OTUD4: variants seen among roughly 807,000 people sequenced by gnomAD.
OTUD4 encodes OTU domain-containing protein 4.
Under a neutral mutation model 130.4 loss-of-function variants are expected in OTUD4, and 24 were observed. The ratio of observed to expected loss-of-function variants is 0.18; its 90% CI spans 0.13 to 0.26. The LOEUF (loss-of-function observed/expected upper bound fraction) is 0.26. OTUD4 is among the 10% of genes least tolerant of loss of function. The probability of loss-of-function intolerance (pLI) is 1.00; values close to 1 mark genes in which losing one functional copy is unlikely to be tolerated. For missense variants in OTUD4, 1,031 were observed against 1,329.4 expected, an observed-to-expected ratio of 0.78 and a Z score of 3.49; for synonymous variants, 420 against 472.5, an observed-to-expected ratio of 0.89 and a Z score of 1.44.
At position 145,158,725 on chromosome 4, in the gene OTUD4, A is replaced by G. The variant is rs539243759; in HGVS notation, c.629+778T>C. ...TTGGTTCTTATAAAAGACAGAGTAA[A>G]CATCCTAATATAACTGATAACTAAT... is the stretch of plus-strand genomic sequence containing the variant. On this transcript the variant is annotated intron_variant, in intron 7 of 20. Transcript: ENST00000447906. 4.6e-5 allele frequency among the ~76,000 whole-genome samples: 7 copies of G among 152,326 alleles called. 1 individual carries two copies. The South Asian group carries it at 1.5e-3, about 32-fold the overall frequency.
At chr4:145,156,463 C>T (rs1751296594) in intron 7 of OTUD4, among the ~76,000 whole-genome samples, 1 of 152,168 alleles carries the variant, frequency 6.6e-6, no homozygotes, top group Non-Finnish European at 1.5e-5. Context: ...GCAGGCAGAT[C>T]ACCTGAGTTT....
intron 13 of OTUD4, among the ~76,000 whole-genome samples, chr4:145,147,871 T>C (rs1750896001): frequency 6.6e-6 from 1 of 152,226 alleles, no homozygotes; most frequent in Admixed American, 6.5e-5. Flanking sequence ...ATCAATTAGA[T>C]TGTTAGCTAT....
intron 3 of OTUD4, among the ~76,000 whole-genome samples, chr4:145,166,676 C>T (rs1049408344): frequency 3.9e-5 from 6 of 152,074 alleles, no homozygotes; most frequent in Admixed American, 3.9e-4. Flanking sequence ...CCCATCTCTA[C>T]TAAAAATACA....
intron 10 of OTUD4, among the ~76,000 whole-genome samples, chr4:145,153,917 G>C (rs1464233258): frequency 6.6e-6 from 1 of 152,146 alleles, no homozygotes; most frequent in East Asian, 1.9e-4. Flanking sequence ...AATCACCTTA[G>C]AGTCATCTCA....
intron 17 of OTUD4, 92 bp from the exon 18 acceptor site, chr4:145,142,426 T>C (rs1750609476): frequency 9.2e-7 from 1 of 1,083,356 alleles, no homozygotes; most frequent in Non-Finnish European, 1.4e-6. Context: ...CATATTGAGT[T>C]GCCTGCCTTT....
intron 20 of OTUD4, among the ~76,000 whole-genome samples, chr4:145,139,623 A>G (rs1433129320): frequency 6.6e-6 from 1 of 152,230 alleles, no homozygotes; most frequent in African/African-American, 2.4e-5. Flanking sequence ...AAATTCAGCT[A>G]AAGAGTGATG....
In OTUD4 at chr4:145,142,765, T is replaced by C. The variant is rs1251444874; in HGVS notation, c.1684-431A>G. On this transcript the variant is annotated intron_variant, in intron 17 of 20. Coordinates refer to ENST00000447906, the MANE Select transcript of OTUD4 (RefSeq NM_001366057.1). ...TGAAATCTTGAAATTCATGATTATT[T>C]AGAAAAACTCCTCATGTAACTATAT... Among the ~76,000 whole-genome samples the C allele has an allele frequency of 2.6e-5, 4 of 152,260 alleles. No individual in the cohort carries two copies. In the East Asian group the frequency reaches 7.7e-4, roughly 29 times the overall value.
At chr4:145,177,082 A>C (rs1752463417) in intron 1 of OTUD4, among the ~76,000 whole-genome samples, 1 of 152,218 alleles carries the variant, frequency 6.6e-6, no homozygotes, top group African/African-American at 2.4e-5. Context: ...TTGCCAATTC[A>C]ACAAATGACA....
intron 10 of OTUD4, among the ~76,000 whole-genome samples, chr4:145,152,880 T>G (rs1447514405): frequency 7.0e-6 from 1 of 142,792 alleles, no homozygotes; most frequent in African/African-American, 2.8e-5. Flanking sequence ...GACACCACAC[T>G]CGGCTTTTTT....
rs113509849 is a variant in OTUD4, at chr4:145,161,535, T to C, written c.496+1105A>G. Among the ~76,000 whole-genome samples the C allele has an allele frequency of 6.0e-4, 91 of 152,164 alleles. 2 individuals carry two copies. The highest frequency in any genetic ancestry group is 2.0e-3 in the African/African-American group (81 of 41,506). On this transcript the variant is annotated intron_variant, in intron 6 of 20. Coordinates refer to ENST00000447906, the MANE Select transcript of OTUD4 (RefSeq NM_001366057.1). ...GAACGGATGATATAAAAGAAACTGG[T>C]AGGAAGGGTCACTGCTCTTCTACAG...
intron 13 of OTUD4, among the ~76,000 whole-genome samples, chr4:145,150,306 G>A (rs36226300): frequency 6.6e-6 from 1 of 152,064 alleles, no homozygotes; most frequent in African/African-American, 2.4e-5. Flanking sequence ...AAAAATAAAG[G>A]TCTCTCTATA....
Position 145,146,278 on chromosome 4 carries a change from G to T in OTUD4, c.1411C>A (p.Pro471Thr). The change falls in exon 14 of 21, where the codon CCA (proline) becomes ACA (threonine). Residue 471 changes from proline (P) to threonine (T), a missense_variant. Pro to Thr is a conservative substitution (Grantham distance 38). Transcript: ENST00000447906. ...EIQNRDEQAF[P>T]ALSSSSVNQS... is the part of the protein sequence containing the mutation. ...CTTTTCATACATACGGAAAGGGCTG[G>T]GAAAGCCTGTTCATCTCTGTTCTGA... 1 of 1,546,168 alleles carries T rather than the reference G, an allele frequency of 6.5e-7. No homozygotes were observed. The highest frequency in any genetic ancestry group is 8.7e-7 in the Non-Finnish European group (1 of 1,152,134).
intron 13 of OTUD4, among the ~76,000 whole-genome samples, chr4:145,150,179 T>C (rs1172247122): frequency 6.6e-6 from 1 of 152,068 alleles, no homozygotes; most frequent in Non-Finnish European, 1.5e-5. Context: ...CCCAAGGAAA[T>C]AGGAATGCAA....
In OTUD4 at chr4:145,134,683, A is replaced by G. The variant is rs540408517; in HGVS notation, c.*2747T>C. ...AAATGAATTTGTGGGTTATCAGTAA[A>G]CAGTATGAGGACTACACAGATGCCA... On this transcript the variant is annotated 3_prime_UTR_variant, in exon 21 of 21. Transcript: ENST00000447906. The G allele has an allele frequency of 7.5e-6, 3 of 398,912 alleles. No homozygotes were observed. The Admixed American group carries it at 1.3e-4, about 18-fold the overall frequency. 24.7% of individuals were successfully genotyped at this position (398,912 alleles called of 1,614,324 possible).
chr4:145,174,865 C>T, intron 1 of OTUD4, 121 bp from the exon 2 acceptor site: 1 of 630,498 alleles, frequency 1.6e-6, no homozygotes, highest in Non-Finnish European at 2.9e-6. Flanking sequence ...CTCCATTTCC[C>T]TTTCTATAAT....
intron 3 of OTUD4, among the ~76,000 whole-genome samples, chr4:145,170,553 T>A (rs895802341): frequency 6.6e-6 from 1 of 152,246 alleles, no homozygotes; most frequent in African/African-American, 2.4e-5. Context: ...ATATACCTCT[T>A]GTGACAAATC....
rs1290084374 is a variant in OTUD4 at position 145,136,251 on chromosome 4, A to C, written c.*1179T>G. On this transcript the variant is annotated 3_prime_UTR_variant, in exon 21 of 21. Transcript: ENST00000447906. ...AGTGCAACATGCAAAGGGAACCTCT[A>C]GTGAATACTGCAAAGACTGGAAGAA... 6.6e-6 allele frequency: 1 copy of C among 152,666 alleles called. No individual in the cohort carries two copies. Among genetic ancestry groups the C allele is most frequent in the African/African-American group, 2.4e-5 (1 of 41,558 alleles). 9.5% of individuals were successfully genotyped at this position (152,666 alleles called of 1,614,324 possible). A position where few individuals can be genotyped will look rare whatever the true frequency, so the allele number is the denominator to read the frequency against.
At position 145,146,386 on chromosome 4, in the gene OTUD4, G is replaced by C. The variant is rs773511937; in HGVS notation, c.1303C>G (p.Arg435Gly). 2.3e-5 allele frequency: 37 copies of C among 1,579,858 alleles called. No homozygotes were observed. The highest frequency in any genetic ancestry group is 2.7e-5 in the Non-Finnish European group (32 of 1,166,964). Reference protein sequence around the residue: ...ERVEDFDHTSRESNYFGLSPE... With the variant: ...ERVEDFDHTSGESNYFGLSPE... ...GAAAGGCCGAAATAGTTAGATTCTC[G>C]ACTTGTGTGATCAAAATCCTCAACT... Residue 435 changes from arginine to glycine, a missense_variant, in exon 14 of 21, where the codon CGA becomes GGA. Coordinates refer to ENST00000447906, the MANE Select transcript of OTUD4 (RefSeq NM_001366057.1).
At chr4:145,176,191 C>G (rs896014598) in intron 1 of OTUD4, among the ~76,000 whole-genome samples, 2 of 151,520 alleles carry the variant, frequency 1.3e-5, no homozygotes, top group African/African-American at 4.8e-5. Flanking sequence ...CCACCACGCC[C>G]GGCCCTAGCT....
Sources: gnomAD v4.1 joint callset for allele counts (sites outside exome capture counted in the v4.1 genomes callset) on GRCh38, gnomAD v4.1.1 for gene constraint, MANE v1.5 for transcripts, NCBI Gene and HGNC (gene_info 2026-07-23, HGNC 2026-07-21) for gene names.